The following FAM13A variants were observed in gnomAD, a reference collection of about 807,000 sequenced individuals.
FAM13A encodes the protein family with sequence similarity 13 member A.
Under a neutral mutation model 129.6 loss-of-function variants are expected in FAM13A, and 76 were observed. That is an observed-to-expected ratio of 0.59 (90% CI 0.49 to 0.71). The LOEUF (loss-of-function observed/expected upper bound fraction) is 0.71. FAM13A is among the 30% of genes least tolerant of loss of function. The pLI, the probability that FAM13A is intolerant of heterozygous loss-of-function variation, is 0.00. For synonymous variants in FAM13A, 443 were observed against 449.9 expected (o/e 0.98, Z 0.20); for missense variants, 1,108 against 1,249.3 (o/e 0.89, Z 1.70).
chr4:88,731,912 A>G, intron 22 of FAM13A, 90 bp downstream of exon 22: 1 of 1,043,952 alleles, frequency 9.6e-7, no homozygotes, highest in East Asian at 2.7e-5. Context: ...GTATTTTATC[A>G]GCTAATTTAT....
chr4:88,730,166 A>T (rs2149383127), intron 23 of FAM13A: 1 of 152,360 alleles, frequency 6.6e-6, no homozygotes, highest in Middle Eastern at 3.4e-3. Context: ...CTCAAGAGAA[A>T]CAATACTTAC....
chr4:88,908,504 T>C (rs188156997), intron 5 of FAM13A, among the ~76,000 whole-genome samples: 157 of 152,312 alleles, frequency 1.0e-3, no homozygotes, highest in African/African-American at 3.6e-3. Flanking sequence ...TTCTTCCTTA[T>C]GCAAAAAACA....
At chr4:89,030,409 AG>A (rs1768532640) in intron 1 of FAM13A, among the ~76,000 whole-genome samples, 1 of 152,184 alleles carries the variant, frequency 6.6e-6, no homozygotes, top group South Asian at 2.1e-4. Flanking sequence ...AGGAATTTTT[AG>A]AGATGTGTCT....
chr4:88,902,561 C>T (rs1336094341), intron 6 of FAM13A, among the ~76,000 whole-genome samples: 1 of 151,564 alleles, frequency 6.6e-6, no homozygotes, highest in Admixed American at 6.6e-5. Context: ...ATTCAACATA[C>T]TTCATGTTAA....
At chr4:88,886,173 C>A (rs1744374860) in intron 6 of FAM13A, among the ~76,000 whole-genome samples, 1 of 152,174 alleles carries the variant, frequency 6.6e-6, no homozygotes, top group African/African-American at 2.4e-5. Flanking sequence ...TGGGTATCTA[C>A]CCAGAGGAAG....
At chr4:88,738,921 A>C (rs1316252529) in intron 20 of FAM13A, 109 bp downstream of exon 20, 3 of 730,374 alleles carry the variant, frequency 4.1e-6, no homozygotes, top group Non-Finnish European at 7.4e-6. Flanking sequence ...TGATTCAGCA[A>C]TTAAAGCCTA....
intron 10 of FAM13A, among the ~76,000 whole-genome samples, chr4:88,781,885 A>C (rs1478111757): frequency 6.6e-6 from 1 of 151,560 alleles, no homozygotes; most frequent in East Asian, 1.9e-4. Context: ...GATATACCTA[A>C]TGCTAAATGA....
intron 4 of FAM13A, among the ~76,000 whole-genome samples, chr4:88,950,976 G>C (rs1361503467): frequency 6.6e-6 from 1 of 152,174 alleles, no homozygotes; most frequent in Non-Finnish European, 1.5e-5. Context: ...AATATTACAA[G>C]AGAAGACATG....
chr4:88,857,858 G>T (rs1287391672), intron 6 of FAM13A, among the ~76,000 whole-genome samples: 1 of 152,112 alleles, frequency 6.6e-6, no homozygotes, highest in Non-Finnish European at 1.5e-5. Flanking sequence ...TTAGCAAACA[G>T]TAGGTGACCA....
chr4:88,849,495 T>G (rs1379684145), intron 7 of FAM13A, among the ~76,000 whole-genome samples: 2 of 152,242 alleles, frequency 1.3e-5, no homozygotes, highest in Non-Finnish European at 2.9e-5. Context: ...CTTTCCTTGA[T>G]TTTTACAGAC....
At chr4:88,808,492 A>C (rs149746222) in intron 7 of FAM13A, among the ~76,000 whole-genome samples, 184 of 152,258 alleles carry the variant, frequency 1.2e-3, no homozygotes, top group African/African-American at 4.1e-3. Context: ...ATGATACTAA[A>C]GGATTTTGCC....
chr4:88,770,121 C>T (rs926280301), intron 11 of FAM13A, among the ~76,000 whole-genome samples: 10 of 152,130 alleles, frequency 6.6e-5, no homozygotes, highest in African/African-American at 2.4e-4. Context: ...AATTTACACA[C>T]TTAGATAATT....
At chr4:88,992,436 A>G (rs1763035366) in intron 3 of FAM13A, among the ~76,000 whole-genome samples, 1 of 151,964 alleles carries the variant, frequency 6.6e-6, no homozygotes, top group African/African-American at 2.4e-5. Context: ...ATGCCCGGCT[A>G]ATTTTTGTAT....
At chr4:88,835,308 T>C (rs1286991927) in intron 7 of FAM13A, among the ~76,000 whole-genome samples, 2 of 152,200 alleles carry the variant, frequency 1.3e-5, no homozygotes, top group Non-Finnish European at 2.9e-5. Context: ...CAGCTTCTCA[T>C]GCCTATTCTG....
chr4:88,892,257 G>A (rs1257389924), intron 6 of FAM13A, among the ~76,000 whole-genome samples: 1 of 140,182 alleles, frequency 7.1e-6, no homozygotes, highest in African/African-American at 2.7e-5. Context: ...TCGGCTCACT[G>A]CAAGCTCCAC....
rs148233625 is a variant in FAM13A at position 89,044,095 on chromosome 4, C to CAAAAAAAAA, written c.27+12834_27+12842dup. Among the ~76,000 whole-genome samples, 34 of 116,176 alleles carry CAAAAAAAAA rather than the reference C, an allele frequency of 2.9e-4. 2 individuals carry two copies. Among genetic ancestry groups the CAAAAAAAAA allele is most frequent in the South Asian group, 5.6e-4 (2 of 3,570 alleles). 76.2% of individuals were successfully genotyped at this position (116,176 alleles called of 152,430 possible). A position where few individuals can be genotyped will look rare whatever the true frequency, so the allele number is the denominator to read the frequency against. On this transcript the variant is annotated intron_variant, in intron 1 of 23. Coordinates refer to ENST00000264344, the MANE Select transcript of FAM13A (RefSeq NM_014883.4). ...CCTTGGCAACAAAGTGAGACCATATCAAAAAAAAAGACACTAACAACAGAG... is the reference window on the plus strand; with the variant it reads ...CCTTGGCAACAAAGTGAGACCATATCAAAAAAAAAAAAAAAAAAGACACTAACAACAGAG...
At position 88,760,497 on chromosome 4, in the gene FAM13A, G is replaced by C. The variant is rs535136260; in HGVS notation, c.1579-1596C>G. 2.9e-3 allele frequency among the ~76,000 whole-genome samples: 219 copies of C among 75,162 alleles called. 59 individuals are homozygous for C. Among genetic ancestry groups the C allele is most frequent in the African/African-American group, 7.3e-3 (207 of 28,478 alleles). The allele number at this position is 75,162 out of a possible 152,430, so 49.3% of individuals were successfully genotyped here. A position where few individuals can be genotyped will look rare whatever the true frequency, so the allele number is the denominator to read the frequency against. On this transcript the variant is annotated intron_variant, in intron 13 of 23. Coordinates refer to ENST00000264344, the MANE Select transcript of FAM13A (RefSeq NM_014883.4). ...CGGGCGCCTGTGGTCCCGGCTACTC[G>C]GGAGGCTGAGGCAGGAGAATGGCGT...
At chr4:88,745,763 A>G (rs1487117048) in intron 19 of FAM13A, among the ~76,000 whole-genome samples, 1 of 152,162 alleles carries the variant, frequency 6.6e-6, no homozygotes, top group Non-Finnish European at 1.5e-5. Context: ...ATCCCAAACA[A>G]AGCTTGGCTG....
In FAM13A at chr4:88,749,783, C is replaced by T. The variant is rs532197553; in HGVS notation, c.2067G>A (p.Glu689=). The T allele has an allele frequency of 6.2e-7, 1 of 1,614,174 alleles. No homozygotes were observed. Among genetic ancestry groups the T allele is most frequent in the African/African-American group, 1.3e-5 (1 of 75,068 alleles). Residue 689 remains glutamate, a synonymous_variant, in exon 16 of 24, where the codon GAG becomes GAA. Transcript: ENST00000264344. The stretch of plus-strand genomic sequence containing the variant: ...AGGGGACACTTACTCTGTACTTCTT[C>T]TCTTCTTCGAATCTATCTTCAAACT... ...IRKFEDRFEE[E]KKYRPSHSDK...
Sources: allele counts gnomAD v4.1 joint callset (sites outside exome capture counted in the v4.1 genomes callset), GRCh38; gene constraint gnomAD v4.1.1; transcripts MANE v1.5; gene names NCBI Gene and HGNC (gene_info 2026-07-23, HGNC 2026-07-21).